Variants in CASK observed in about 807,000 individuals in gnomAD.
CASK encodes the protein peripheral plasma membrane protein CASK.
CASK carries 4 observed loss-of-function variants against 82.9 expected under a neutral mutation model. That is an observed-to-expected ratio of 0.05 (90% CI 0.02 to 0.11). The LOEUF (loss-of-function observed/expected upper bound fraction) is 0.11, where lower values mean the gene tolerates loss of function less well. Ranked by LOEUF, CASK falls within the 10% of genes least tolerant of loss-of-function variation. CASK has a pLI of 1.00. For synonymous variants in CASK, 259 were observed against 253.5 expected, an observed-to-expected ratio of 1.02 and a Z score of -0.20; for missense variants, 358 against 720.9, an observed-to-expected ratio of 0.50 and a Z score of 5.76.
intron 2 of CASK, among the ~76,000 whole-genome samples, chrX:41,828,410 G>A (rs1047602411): frequency 9.0e-6 from 1 of 111,421 alleles, no homozygotes; most frequent in African/African-American, 3.3e-5. Flanking sequence ...AAAAATCACT[G>A]AATGAACAAA....
intron 2 of CASK, among the ~76,000 whole-genome samples, chrX:41,805,013 G>A (rs1010889315): frequency 8.9e-6 from 1 of 111,821 alleles, no homozygotes; most frequent in Non-Finnish European, 1.9e-5. Context: ...ATTTTATACT[G>A]TCTCAATTCA....
At chrX:41,569,512 C>T (rs1238635098) in intron 16 of CASK, among the ~76,000 whole-genome samples, 156 bp downstream of exon 16, 1 of 110,999 alleles carries the variant, frequency 9.0e-6, no homozygotes, top group Non-Finnish European at 1.9e-5. Flanking sequence ...AAAGCTGAGA[C>T]GGGAGGATTG....
intron 1 of CASK, among the ~76,000 whole-genome samples, chrX:41,915,920 G>A (rs908382653): frequency 5.4e-5 from 6 of 111,675 alleles, no homozygotes; most frequent in East Asian, 2.8e-4. Flanking sequence ...CCTGGGAGGC[G>A]GAGCTTGCAG....
intron 5 of CASK, chrX:41,697,814 T>G (rs1262024209): frequency 9.0e-6 from 1 of 111,250 alleles, no homozygotes; most frequent in Non-Finnish European, 1.9e-5. Context: ...TTCTTTTTTT[T>G]TTTTGAGACA....
chrX:41,691,378 G>C (rs947263083), intron 5 of CASK, among the ~76,000 whole-genome samples: 8 of 112,131 alleles, frequency 7.1e-5, no homozygotes, highest in Non-Finnish European at 1.5e-4. Context: ...AGTAAAGCTA[G>C]ATGGCATAAC....
At chrX:41,717,391 G>T (rs910345937) in intron 5 of CASK, among the ~76,000 whole-genome samples, 2 of 112,322 alleles carry the variant, frequency 1.8e-5, no homozygotes, top group African/African-American at 6.5e-5. Context: ...GCACTTGCTA[G>T]ACTAGCATTG....
intron 5 of CASK, among the ~76,000 whole-genome samples, chrX:41,717,933 C>T (rs965800127): frequency 1.5e-4 from 17 of 112,265 alleles, no homozygotes; most frequent in African/African-American, 4.9e-4. Context: ...GAGGTGACTG[C>T]GGTCTGGCAG....
At chrX:41,639,815 T>C (rs2066619444) in intron 8 of CASK, among the ~76,000 whole-genome samples, 1 of 111,886 alleles carries the variant, frequency 8.9e-6, no homozygotes. Flanking sequence ...GACTTTTATA[T>C]AAATTGAATC....
At chrX:41,544,313 T>C (rs1463614808) in intron 21 of CASK, among the ~76,000 whole-genome samples, 1 of 111,714 alleles carries the variant, frequency 9.0e-6, no homozygotes, top group Non-Finnish European at 1.9e-5. Flanking sequence ...ACGCCTGTAA[T>C]CCCAGCACTC....
chrX:41,755,759 A>G (rs888087607), intron 3 of CASK, among the ~76,000 whole-genome samples: 5 of 112,434 alleles, frequency 4.4e-5, no homozygotes, highest in African/African-American at 1.6e-4. Flanking sequence ...AGCAGAGTTC[A>G]GCAAAATCAT....
Position 41,515,755 on chromosome X carries a change from C to T in CASK, c.*4665G>A, listed in dbSNP as rs1019098340. On this transcript the variant is annotated 3_prime_UTR_variant, in exon 27 of 27. Transcript: ENST00000378163. ...TGTTTCTGTTCCCAAGGACAATTCT[C>T]GCTACAGAGGTTGTACTTCCTCTGG... 8.9e-6 allele frequency: 1 copy of T among 112,124 alleles called. No individual in the cohort carries two copies. 9.2% of individuals were successfully genotyped at this position (112,124 alleles called of 1,213,427 possible). A position where few individuals can be genotyped will look rare whatever the true frequency, so the allele number is the denominator to read the frequency against.
chrX:41,812,269 TGGCAGA>T (rs2070305938), intron 2 of CASK, among the ~76,000 whole-genome samples: 1 of 111,649 alleles, frequency 9.0e-6, no homozygotes, highest in Non-Finnish European at 1.9e-5. Context: ...TACCAAAGGC[TGGCAGA>T]GGCACAACAA....
At chrX:41,549,887 C>T (rs780610726) in intron 21 of CASK, among the ~76,000 whole-genome samples, 82 of 106,952 alleles carry the variant, frequency 7.7e-4, no homozygotes, top group Non-Finnish European at 1.3e-3. Flanking sequence ...CTGGGTGCTG[C>T]GGTGGCTCAC....
chrX:41,612,319 C>T (rs1475642734), intron 11 of CASK, among the ~76,000 whole-genome samples: 1 of 110,449 alleles, frequency 9.1e-6, no homozygotes, highest in African/African-American at 3.3e-5. Context: ...GCCGCCCCGT[C>T]TGGGAGGTGA....
At chrX:41,661,664 A>T (rs1269616482) in intron 7 of CASK, among the ~76,000 whole-genome samples, 1 of 109,952 alleles carries the variant, frequency 9.1e-6, no homozygotes, top group Non-Finnish European at 1.9e-5. Context: ...CTTAAAATTG[A>T]AGTGTGCTTC....
intron 1 of CASK, among the ~76,000 whole-genome samples, chrX:41,894,597 TA>T (rs1209248352): frequency 0.012 from 503 of 40,479 alleles, 3 homozygotes; most frequent in African/African-American, 0.035. Flanking sequence ...ACCCAAATAT[TA>T]AAAAAAAAAA....
At chrX:41,554,157 T>A (rs190860457) in intron 20 of CASK, among the ~76,000 whole-genome samples, 1 of 112,671 alleles carries the variant, frequency 8.9e-6, no homozygotes, top group African/African-American at 3.2e-5. Flanking sequence ...CTTGAAATAC[T>A]TGTTTAATAA....
At chrX:41,880,046 A>G (rs2071918207) in intron 1 of CASK, among the ~76,000 whole-genome samples, 1 of 112,053 alleles carries the variant, frequency 8.9e-6, no homozygotes, top group Non-Finnish European at 1.9e-5. Flanking sequence ...TAATACTATA[A>G]GTAAGCTCTA....
chrX:41,631,261 T>C (rs1433909416), intron 9 of CASK, among the ~76,000 whole-genome samples: 1 of 110,838 alleles, frequency 9.0e-6, no homozygotes, highest in African/African-American at 3.3e-5. Context: ...ATTTTCAAAA[T>C]CTATTGCCCA....
Sources: allele counts gnomAD v4.1 joint callset (sites outside exome capture counted in the v4.1 genomes callset), GRCh38; gene constraint gnomAD v4.1.1; transcripts MANE v1.5; gene names NCBI Gene and HGNC (gene_info 2026-07-23, HGNC 2026-07-21).